Variants in KCNS3 observed in about 807,000 individuals in gnomAD.
KCNS3 encodes delayed-rectifier potassium channel regulatory subunit KCNS3.
A neutral mutation model predicts 31.0 loss-of-function variants in KCNS3; 13 were observed. That is an observed-to-expected ratio of 0.42 (90% CI 0.27 to 0.67). The LOEUF (loss-of-function observed/expected upper bound fraction) is 0.67, where lower values mean the gene tolerates loss of function less well. Among genes scored for constraint, KCNS3 ranks in the 30% least tolerant of loss-of-function variants. The probability of loss-of-function intolerance (pLI) is 0.25; values close to 1 mark genes in which losing one functional copy is unlikely to be tolerated. For missense variants in KCNS3, 545 were observed against 622.4 expected (o/e 0.88, Z 1.32); for synonymous variants, 238 against 241.5 (o/e 0.99, Z 0.13).
chr2:17,931,872 G>T lies in KCNS3; in HGVS notation c.864G>T (p.Val288=). ...ESEDIENMGK[V]VQILRLMRIF... ...AGGATATTGAGAACATGGGCAAGGTGGTCCAGATCCTACGGCTTATGAGGA... is the reference window on the plus strand; with the variant it reads ...AGGATATTGAGAACATGGGCAAGGTTGTCCAGATCCTACGGCTTATGAGGA... The change falls in exon 3 of 3, where the codon GTG becomes GTT. Residue 288 remains valine (V), a synonymous_variant. Transcript: ENST00000304101. The surrounding 1 kb of genome is among the most constrained non-coding windows in gnomAD (Gnocchi z 5.4). 1 of 1,614,180 alleles carries T rather than the reference G, an allele frequency of 6.2e-7. No individual in the cohort carries two copies. Among genetic ancestry groups the T allele is most frequent in the East Asian group, 2.2e-5 (1 of 44,882 alleles).
At chr2:17,884,900 G>A (rs1474533945) in intron 1 of KCNS3, among the ~76,000 whole-genome samples, 2 of 149,446 alleles carry the variant, frequency 1.3e-5, no homozygotes, top group East Asian at 3.9e-4. Flanking sequence ...CCAAATCTGG[G>A]TAACTGAGCA....
chr2:17,896,694 G>T (rs781030432), intron 1 of KCNS3, among the ~76,000 whole-genome samples: 29 of 152,016 alleles, frequency 1.9e-4, no homozygotes, highest in Admixed American at 3.9e-4. Flanking sequence ...CTCCCAAGAG[G>T]TTCCTTCTGC....
chr2:17,932,471 G>A lies in KCNS3; in HGVS notation c.1463G>A (p.Cys488Tyr). ...DICNTTSLEN[C>Y]TAK ...TGTAACACCACCTCCTTGGAGAATT[G>A]CACAGCAAAATGAGCGGGGGTGTTT... The change falls in exon 3 of 3, where the codon TGC becomes TAC. Residue 488 changes from cysteine (C) to tyrosine (Y), a missense_variant. Cys to Tyr is a radical substitution (Grantham distance 194, BLOSUM62 -2). Transcript: ENST00000304101. 6.2e-7 allele frequency: 1 copy of A among 1,610,300 alleles called. No homozygotes were observed. The highest frequency in any genetic ancestry group is 2.2e-5 in the East Asian group (1 of 44,862).
chr2:17,921,116 A>G (rs760114336), intron 2 of KCNS3, among the ~76,000 whole-genome samples: 7 of 152,226 alleles, frequency 4.6e-5, no homozygotes, highest in Non-Finnish European at 8.8e-5. Flanking sequence ...GTTGAGAATA[A>G]AAGAGTGAAT....
chr2:17,901,341 T>C (rs890175048), intron 1 of KCNS3, among the ~76,000 whole-genome samples: 4 of 148,306 alleles, frequency 2.7e-5, no homozygotes, highest in African/African-American at 1.0e-4. Flanking sequence ...GAAAAAAAAA[T>C]CGAGTTGAGA....
intron 1 of KCNS3, among the ~76,000 whole-genome samples, chr2:17,916,954 G>T (rs1662605258): frequency 6.6e-6 from 1 of 151,878 alleles, no homozygotes; most frequent in Non-Finnish European, 1.5e-5. Flanking sequence ...TAGTACCAAT[G>T]TATGGGAATG....
At chr2:17,881,402 T>C (rs2125229277) in intron 1 of KCNS3, among the ~76,000 whole-genome samples, 1 of 152,372 alleles carries the variant, frequency 6.6e-6, no homozygotes, top group South Asian at 2.1e-4. Context: ...GTGATATCTA[T>C]TTCTTTATGG....
rs531245454 is a variant in KCNS3, at chr2:17,932,282, G to A, written c.1274G>A (p.Ser425Asn). ...KQKDIDVDQC[S>N]EDAPEKCHEL... ...AAGGACATTGATGTGGACCAGTGCA[G>A]TGAGGATGCACCAGAGAAGTGTCAT... is the stretch of plus-strand genomic sequence containing the variant. Residue 425 changes from serine to asparagine, a missense_variant, in exon 3 of 3, where the codon AGT becomes AAT. Coordinates refer to ENST00000304101, the MANE Select transcript of KCNS3 (RefSeq NM_002252.5). The A allele has an allele frequency of 6.8e-6, 11 of 1,613,754 alleles. No homozygotes were observed. Among genetic ancestry groups the A allele is most frequent in the Non-Finnish European group, 9.3e-6 (11 of 1,179,630 alleles).
chr2:17,912,246 G>A (rs1662487904), intron 1 of KCNS3, among the ~76,000 whole-genome samples: 1 of 152,192 alleles, frequency 6.6e-6, no homozygotes, highest in Non-Finnish European at 1.5e-5. Flanking sequence ...CTCCAGAAAG[G>A]TTTCTTTAAG....
intron 2 of KCNS3, among the ~76,000 whole-genome samples, chr2:17,921,901 ATGTG>A (rs370610132): frequency 0.057 from 4,129 of 72,828 alleles, 234 homozygotes; most frequent in East Asian, 0.2. Context: ...TTTCATATAT[ATGTG>A]TGTGTGTGTG....
chr2:17,930,451 G>A (rs1662932934), intron 2 of KCNS3, among the ~76,000 whole-genome samples: 1 of 152,166 alleles, frequency 6.6e-6, no homozygotes, highest in African/African-American at 2.4e-5. Context: ...TAAGAGCTGA[G>A]CTGAGCCCCC....
At chr2:17,882,526 A>G (rs1674666247) in intron 1 of KCNS3, among the ~76,000 whole-genome samples, 1 of 152,172 alleles carries the variant, frequency 6.6e-6, no homozygotes, top group Non-Finnish European at 1.5e-5. Context: ...TGAGCTATCG[A>G]GAGTCCTTGG....
At chr2:17,893,768 G>C (rs1661915658) in intron 1 of KCNS3, among the ~76,000 whole-genome samples, 1 of 152,002 alleles carries the variant, frequency 6.6e-6, no homozygotes, top group Non-Finnish European at 1.5e-5. Flanking sequence ...AGTATTTGTG[G>C]GTCTCCTGGG....
intron 1 of KCNS3, among the ~76,000 whole-genome samples, chr2:17,912,041 T>G (rs1351307679): frequency 6.6e-6 from 1 of 152,226 alleles, no homozygotes; most frequent in African/African-American, 2.4e-5. Context: ...ATTCATTGCA[T>G]GGCTACCCCC....
chr2:17,931,666 C>G lies in KCNS3; in HGVS notation c.658C>G (p.Pro220Ala). 1 of 1,614,166 alleles carries G rather than the reference C, an allele frequency of 6.2e-7. No individual in the cohort carries two copies. The highest frequency in any genetic ancestry group is 8.5e-7 in the Non-Finnish European group (1 of 1,180,026). ...FQNEDGEVDDPVLEGVEIACI... is the reference protein window; with the variant it reads ...FQNEDGEVDDAVLEGVEIACI... ...GAATGAGGATGGAGAAGTGGATGAT[C>G]CGGTGCTGGAAGGAGTGGAGATCGC... Residue 220 changes from proline to alanine, a missense_variant, in exon 3 of 3, where the codon CCG becomes GCG. Physicochemically the swap from Pro to Ala is conservative, Grantham distance 27 (BLOSUM62 -1). Coordinates refer to ENST00000304101, the MANE Select transcript of KCNS3 (RefSeq NM_002252.5). This position sits in a 1 kb window ranked among gnomAD's most constrained non-coding sequence, Gnocchi z 5.4.
At chr2:17,888,627 ATGTATATATAT>A (rs1385397764) in intron 1 of KCNS3, among the ~76,000 whole-genome samples, 4 of 57,726 alleles carry the variant, frequency 6.9e-5, no homozygotes, top group Non-Finnish European at 1.3e-4. Context: ...AATAAAAAAA[ATGTATATATAT>A]ATATATATAT....
At chr2:17,885,903 G>A (rs539233171) in intron 1 of KCNS3, among the ~76,000 whole-genome samples, 15 of 152,206 alleles carry the variant, frequency 9.9e-5, no homozygotes, top group Middle Eastern at 3.4e-3. Flanking sequence ...AATAATGACC[G>A]TCACAGATAA....
chr2:17,896,004 G>C (rs1662016229), intron 1 of KCNS3, among the ~76,000 whole-genome samples: 1 of 152,118 alleles, frequency 6.6e-6, no homozygotes, highest in African/African-American at 2.4e-5. Flanking sequence ...GATTTACATA[G>C]AGTATTGGCA....
chr2:17,908,919 G>C (rs1209076900), intron 1 of KCNS3, among the ~76,000 whole-genome samples: 1 of 152,232 alleles, frequency 6.6e-6, no homozygotes, highest in Non-Finnish European at 1.5e-5. Flanking sequence ...GGACTCACTT[G>C]AGGAGGCAGT....
Sources: gnomAD v4.1 joint callset for allele counts (sites outside exome capture counted in the v4.1 genomes callset) on GRCh38, gnomAD v4.1.1 for gene constraint, Gnocchi (gnomAD v3.1) non-coding constraint, MANE v1.5 for transcripts, NCBI Gene and HGNC (gene_info 2026-07-23, HGNC 2026-07-21) for gene names.